ME3: variants seen among roughly 807,000 people sequenced by gnomAD.
The protein encoded by ME3 is malic enzyme 3.
In ME3, 48 loss-of-function variants were observed where a neutral mutation model predicts 68.9. That is an observed-to-expected ratio of 0.70 (90% CI 0.55 to 0.89). The LOEUF (loss-of-function observed/expected upper bound fraction) is 0.89. Ranked by LOEUF, ME3 falls within the 40% of genes least tolerant of loss-of-function variation. The pLI is 0.00. For synonymous variants in ME3, 320 were observed against 318.8 expected (o/e 1.00, Z -0.04); for missense variants, 675 against 797.4 (o/e 0.85, Z 1.85).
chr11:86,550,830 C>G lies in ME3; in HGVS notation c.467+5723G>C, dbSNP rs141174555. Among the ~76,000 whole-genome samples the G allele has an allele frequency of 1.4e-3, 211 of 152,182 alleles. 1 individual carries two copies. The highest frequency in any genetic ancestry group is 4.9e-3 in the African/African-American group (205 of 41,528). On this transcript the variant is annotated intron_variant, in intron 4 of 14. Coordinates refer to ENST00000543262, the Ensembl canonical transcript of ME3. ...TCAGGGATCTCTCCATTTACTGGGG[C>G]AAGGTTGTCTTTGTTTTCCAGAGTG...
intron 2 of ME3, among the ~76,000 whole-genome samples, chr11:86,649,687 T>C (rs1399468953): frequency 6.6e-6 from 1 of 152,074 alleles, no homozygotes; most frequent in African/African-American, 2.4e-5. Flanking sequence ...AACAGCCAAA[T>C]AATGAGTGAA....
chr11:86,475,143 A>G (rs541036914), intron 7 of ME3, among the ~76,000 whole-genome samples: 16 of 152,226 alleles, frequency 1.1e-4, no homozygotes, highest in Admixed American at 7.2e-4. Context: ...GTAATTCCCA[A>G]TGTTGGAGGT....
intron 5 of ME3, among the ~76,000 whole-genome samples, chr11:86,505,602 G>A (rs533169043): frequency 2.0e-5 from 3 of 152,192 alleles, no homozygotes; most frequent in African/African-American, 7.2e-5. Context: ...ACTGTACTGC[G>A]GTGTGGGCTA....
chr11:86,451,080 T>C (rs1949607242), intron 8 of ME3, among the ~76,000 whole-genome samples: 1 of 152,176 alleles, frequency 6.6e-6, no homozygotes, highest in Non-Finnish European at 1.5e-5. Flanking sequence ...CAACTAGAAG[T>C]GTAAGGTGGC....
rs61904378 is a variant in ME3, at chr11:86,451,477, A to C, written c.920-1079T>G. Among the ~76,000 whole-genome samples the C allele has an allele frequency of 5.0e-3, 759 of 152,324 alleles. 1 individual carries two copies. The highest frequency in any genetic ancestry group is 8.6e-3 in the Non-Finnish European group (582 of 68,020). ...GTTTGCTTAACGGACTTATGCATAA[A>C]ACAGCCATGGTGGTAAGGATGGAGG... On this transcript the variant is annotated intron_variant, in intron 8 of 14. Transcript: ENST00000543262.
chr11:86,543,247 T>G (rs1956155406), intron 4 of ME3, among the ~76,000 whole-genome samples: 2 of 152,180 alleles, frequency 1.3e-5, no homozygotes, highest in South Asian at 4.1e-4. Flanking sequence ...CTGCATCAAC[T>G]AATGGGCAAA....
intron 2 of ME3, among the ~76,000 whole-genome samples, chr11:86,623,696 T>C (rs1178017431): frequency 6.6e-6 from 1 of 152,228 alleles, no homozygotes; most frequent in African/African-American, 2.4e-5. Context: ...GAAATAGCAA[T>C]GTTATAGAAA....
downstream of ME3, chr11:86,436,635 C>G (rs1003549158): frequency 2.0e-5 from 3 of 152,088 alleles, no homozygotes. Flanking sequence ...AGTTTTAGCT[C>G]TCACATTTAG....
chr11:86,593,530 G>T (rs138807096), intron 2 of ME3, among the ~76,000 whole-genome samples: 1,606 of 146,306 alleles, frequency 0.011, 138 homozygotes, highest in Non-Finnish European at 3.8e-3. Flanking sequence ...TGGATCACAA[G>T]CCCGACCTCC....
In ME3 at chr11:86,567,276, AAG is replaced by A; in HGVS notation, c.184-7455_184-7454del. Among the ~76,000 whole-genome samples, 3 of 148,970 alleles carry A rather than the reference AAG, an allele frequency of 2.0e-5. No individual in the cohort carries two copies. The South Asian group carries it at 6.4e-4, about 32-fold the overall frequency. ...GAAGGAAGGAAGGAAGGAAGGAAGG[AAG>A]GGAGGAAAAGAGTGAATGAAAGTTA... is the stretch of plus-strand genomic sequence containing the variant. On this transcript the variant is annotated intron_variant, in intron 2 of 14. Transcript: ENST00000543262.
At chr11:86,513,713 C>T (rs1953696267) in intron 4 of ME3, among the ~76,000 whole-genome samples, 1 of 152,172 alleles carries the variant, frequency 6.6e-6, no homozygotes, top group Non-Finnish European at 1.5e-5. Flanking sequence ...TGATGATAAG[C>T]AAATGTATTG....
At chr11:86,659,298 A>T (rs1400907521) in intron 2 of ME3, among the ~76,000 whole-genome samples, 2 of 152,212 alleles carry the variant, frequency 1.3e-5, no homozygotes, top group East Asian at 3.8e-4. Context: ...CCCTCTGCCT[A>T]AGTTGACTGA....
chr11:86,634,149 G>A (rs2135341498), intron 2 of ME3, among the ~76,000 whole-genome samples: 1 of 152,326 alleles, frequency 6.6e-6, no homozygotes, highest in East Asian at 1.9e-4. Flanking sequence ...AGGAAGAGTA[G>A]AGGGAGGAGA....
At chr11:86,495,378 G>A (rs1340452406) in intron 6 of ME3, among the ~76,000 whole-genome samples, 1 of 152,170 alleles carries the variant, frequency 6.6e-6, no homozygotes, top group Non-Finnish European at 1.5e-5. Context: ...GCATATCATT[G>A]CTGAGTGCTG....
chr11:86,597,522 C>G (rs1191742528), intron 2 of ME3, among the ~76,000 whole-genome samples: 2 of 152,190 alleles, frequency 1.3e-5, no homozygotes, highest in Non-Finnish European at 2.9e-5. Flanking sequence ...AGCCTGTTGT[C>G]AGCTCCTTGT....
intron 2 of ME3, among the ~76,000 whole-genome samples, chr11:86,587,515 T>C (rs1037643229): frequency 2.6e-5 from 4 of 152,352 alleles, no homozygotes; most frequent in African/African-American, 7.2e-5. Context: ...TCCAACCCTC[T>C]GGGTAAATTT....
intron 5 of ME3, among the ~76,000 whole-genome samples, chr11:86,498,716 G>T (rs74782705): frequency 0.01 from 1,568 of 152,216 alleles, 16 homozygotes; most frequent in Non-Finnish European, 0.016. Flanking sequence ...AATTGCTGAG[G>T]GCCTACTATG....
At chr11:86,569,727 C>T (rs533564019) in intron 2 of ME3, among the ~76,000 whole-genome samples, 4 of 152,232 alleles carry the variant, frequency 2.6e-5, no homozygotes, top group Admixed American at 6.5e-5. Flanking sequence ...TCTCTGACTC[C>T]GGCAGGAAGG....
intron 2 of ME3, among the ~76,000 whole-genome samples, chr11:86,599,035 G>C (rs1237867058): frequency 6.6e-6 from 1 of 152,226 alleles, no homozygotes; most frequent in Non-Finnish European, 1.5e-5. Flanking sequence ...ACTCTAAAAA[G>C]CAGAGTGCCT....
Sources: allele counts gnomAD v4.1 joint callset (sites outside exome capture counted in the v4.1 genomes callset), GRCh38; gene constraint gnomAD v4.1.1; transcripts MANE v1.5; gene names NCBI Gene and HGNC (gene_info 2026-07-23, HGNC 2026-07-21).